The following SLC4A10 variants were observed in gnomAD, a reference collection of about 807,000 sequenced individuals.
SLC4A10 encodes the protein sodium-driven chloride bicarbonate exchanger.
A neutral mutation model predicts 137.7 loss-of-function variants in SLC4A10; 42 were observed. The observed-to-expected ratio is 0.30, with a 90% CI of 0.24 to 0.39. The LOEUF (loss-of-function observed/expected upper bound fraction) is 0.39, where lower values mean the gene tolerates loss of function less well. Ranked by LOEUF, SLC4A10 falls within the 10% of genes least tolerant of loss-of-function variation. The pLI, the probability that SLC4A10 is intolerant of heterozygous loss-of-function variation, is 1.00. For synonymous variants in SLC4A10, 474 were observed against 464.1 expected (o/e 1.02, Z -0.27); for missense variants, 925 against 1,355.0 (o/e 0.68, Z 4.98).
intron 3 of SLC4A10, among the ~76,000 whole-genome samples, chr2:161,816,667 C>G (rs2125666691): frequency 7.3e-6 from 1 of 136,554 alleles, no homozygotes; most frequent in African/African-American, 2.7e-5. Context: ...GTGTGATGTT[C>G]CCCTTCCTGT....
At chr2:161,880,833 G>C (rs1260632790) in intron 9 of SLC4A10, among the ~76,000 whole-genome samples, 1 of 152,038 alleles carries the variant, frequency 6.6e-6, no homozygotes, top group Non-Finnish European at 1.5e-5. Context: ...TGAACTATGA[G>C]CAAATGATGG....
intron 4 of SLC4A10, 58 bp from the exon 5 acceptor site, chr2:161,854,912 A>G: frequency 6.8e-7 from 1 of 1,462,472 alleles, no homozygotes; most frequent in Non-Finnish European, 9.1e-7. Flanking sequence ...TTTTTGGTAT[A>G]AAGGATCATT....
chr2:161,978,951 TTC>T (rs375652861), intron 26 of SLC4A10, among the ~76,000 whole-genome samples: 251 of 152,344 alleles, frequency 1.6e-3, no homozygotes, highest in African/African-American at 5.7e-3. Flanking sequence ...CTCATAGTAA[TTC>T]TCTGTTTTGC....
At chr2:161,758,288 T>G (rs2125342045) in intron 1 of SLC4A10, among the ~76,000 whole-genome samples, 1 of 152,074 alleles carries the variant, frequency 6.6e-6, no homozygotes, top group Admixed American at 6.6e-5. Flanking sequence ...TTTAAATTAA[T>G]TATGTAAACA....
chr2:161,735,194 T>C (rs915835977), intron 1 of SLC4A10, among the ~76,000 whole-genome samples: 1 of 149,438 alleles, frequency 6.7e-6, no homozygotes, highest in African/African-American at 2.4e-5. Flanking sequence ...TAACTCTTAG[T>C]AACCTTACTT....
At chr2:161,848,033 T>G (rs1483811817) in intron 4 of SLC4A10, among the ~76,000 whole-genome samples, 2 of 152,124 alleles carry the variant, frequency 1.3e-5, no homozygotes, top group South Asian at 4.1e-4. Context: ...CCTCACCAGC[T>G]TCTGTTATTT....
At chr2:161,898,657 A>T (rs2063763073) in intron 11 of SLC4A10, among the ~76,000 whole-genome samples, 1 of 152,160 alleles carries the variant, frequency 6.6e-6, no homozygotes, top group Non-Finnish European at 1.5e-5. Context: ...AATGTTCATT[A>T]GAACTTTGCA....
intron 1 of SLC4A10, among the ~76,000 whole-genome samples, chr2:161,635,603 A>G (rs984702887): frequency 6.6e-6 from 1 of 152,112 alleles, no homozygotes; most frequent in Non-Finnish European, 1.5e-5. Flanking sequence ...CAATTCATCA[A>G]AGAAATGCTT....
At chr2:161,938,239 C>G (rs540240204) in intron 15 of SLC4A10, among the ~76,000 whole-genome samples, 177 of 152,152 alleles carry the variant, frequency 1.2e-3, no homozygotes, top group African/African-American at 4.1e-3. Context: ...CCATTGCACT[C>G]CAGTCTGGGG....
At chr2:161,748,436 T>TTGTGTGTGTGTGTGTGTGTG (rs144251917) in intron 1 of SLC4A10, among the ~76,000 whole-genome samples, 48 of 142,514 alleles carry the variant, frequency 3.4e-4, no homozygotes, top group African/African-American at 1.2e-3. Flanking sequence ...CATTTTGAGT[T>TTGTGTGTGTGTGTGTGTGTG]TGTGTGTGTG....
At chr2:161,627,443 G>A (rs1292158020) in intron 1 of SLC4A10, among the ~76,000 whole-genome samples, 1 of 152,070 alleles carries the variant, frequency 6.6e-6, no homozygotes, top group African/African-American at 2.4e-5. Flanking sequence ...GAAAGATAGG[G>A]AAGTGAAAGA....
At chr2:161,728,085 A>G (rs1488434802) in intron 1 of SLC4A10, among the ~76,000 whole-genome samples, 1 of 152,122 alleles carries the variant, frequency 6.6e-6, no homozygotes, top group Non-Finnish European at 1.5e-5. Context: ...ATTACTATAG[A>G]CTCTCCAGAC....
chr2:161,788,122 A>C (rs1045394039), intron 2 of SLC4A10, among the ~76,000 whole-genome samples: 3 of 149,404 alleles, frequency 2.0e-5, no homozygotes, highest in Non-Finnish European at 4.5e-5. Context: ...TGTATGTTGT[A>C]TGTGATTGTT....
At chr2:161,677,950 C>T (rs984723189) in intron 1 of SLC4A10, among the ~76,000 whole-genome samples, 9 of 152,122 alleles carry the variant, frequency 5.9e-5, no homozygotes, top group South Asian at 2.1e-4. Context: ...CCTGAAATCA[C>T]GTGGTCCTTC....
At chr2:161,650,149 G>A (rs1457400186) in intron 1 of SLC4A10, among the ~76,000 whole-genome samples, 2 of 152,164 alleles carry the variant, frequency 1.3e-5, no homozygotes, top group Non-Finnish European at 2.9e-5. Flanking sequence ...TCTGATTTGT[G>A]ACAGTTTCAC....
At chr2:161,653,596 A>C in intron 1 of SLC4A10, among the ~76,000 whole-genome samples, 1 of 152,186 alleles carries the variant, frequency 6.6e-6, no homozygotes, top group East Asian at 1.9e-4. Flanking sequence ...TTCTCTTCCT[A>C]TGAATTTGAT....
At chr2:161,894,962 T>C in intron 11 of SLC4A10, 137 bp downstream of exon 11, 1 of 399,376 alleles carries the variant, frequency 2.5e-6, no homozygotes. Flanking sequence ...GTGCACAATG[T>C]GCCGGCTAGT....
intron 1 of SLC4A10, among the ~76,000 whole-genome samples, chr2:161,701,264 GT>G (rs934499098): frequency 6.6e-6 from 1 of 151,866 alleles, no homozygotes; most frequent in Admixed American, 6.6e-5. Context: ...TCTTTTAGGT[GT>G]TTTTTGCTGT....
chr2:161,772,874 A>G (rs2051827155), intron 2 of SLC4A10, among the ~76,000 whole-genome samples: 1 of 151,872 alleles, frequency 6.6e-6, no homozygotes, highest in Non-Finnish European at 1.5e-5. Flanking sequence ...TAATAGATCT[A>G]CTAGTTGTTC....
Sources: gnomAD v4.1 joint callset for allele counts (sites outside exome capture counted in the v4.1 genomes callset) on GRCh38, gnomAD v4.1.1 for gene constraint, MANE v1.5 for transcripts, NCBI Gene and HGNC (gene_info 2026-07-23, HGNC 2026-07-21) for gene names.